Variants in GSE1 observed in about 807,000 individuals in gnomAD.
GSE1 encodes the protein genetic suppressor element 1.
Under a neutral mutation model 112.6 loss-of-function variants are expected in GSE1, and 32 were observed. The observed-to-expected ratio is 0.28, with a 90% CI of 0.21 to 0.38. GSE1 has a LOEUF of 0.38. Ranked by LOEUF, GSE1 falls within the 10% of genes least tolerant of loss-of-function variation. The pLI is 1.00. For missense variants in GSE1, 2,348 were observed against 1,699.2 expected (o/e 1.38, Z -6.71); for synonymous variants, 1,115 against 735.6 (o/e 1.52, Z -8.35).
chr16:85,634,117 G>A lies in GSE1; in HGVS notation c.211G>A (p.Ala71Thr), dbSNP rs780143008. 1.3e-6 allele frequency: 2 copies of A among 1,542,606 alleles called. No individual in the cohort carries two copies. Among genetic ancestry groups the A allele is most frequent in the Non-Finnish European group, 1.7e-6 (2 of 1,150,378 alleles). Residue 71 changes from alanine (A) to threonine (T), a missense_variant, in exon 2 of 16, where the codon GCG becomes ACG. Physicochemically the swap from Ala to Thr is moderately conservative, Grantham distance 58 (BLOSUM62 0). Transcript: ENST00000253458. ...CGCGCTGCGCAAGCTCGCCAAACAGGCGGAGGAGCCCAGAGGTAAGGGGGC... is the reference window on the plus strand; with the variant it reads ...CGCGCTGCGCAAGCTCGCCAAACAGACGGAGGAGCCCAGAGGTAAGGGGGC... ...AAALRKLAKQ[A>T]EEPRGSSLSS...
At position 85,661,467 on chromosome 16, in the gene GSE1, G is replaced by GCCA. The variant is rs1469138900; in HGVS notation, c.1967_1969dup (p.Pro656dup). 11 of 1,611,338 alleles carry GCCA rather than the reference G, an allele frequency of 6.8e-6. No individual in the cohort carries two copies. In the Admixed American group the frequency reaches 1.2e-4, roughly 17 times the overall value. ...TGGACAAGTACCAGCCACCTCCGCC[G>GCCA]CCACCACGAGAGGGAGGGAGCCTGG... On this transcript the variant is annotated inframe_insertion, in exon 9 of 16. Coordinates refer to ENST00000253458, the MANE Select transcript of GSE1 (RefSeq NM_014615.5).
At chr16:85,566,444 A>G (rs1299918103) in intron 1 of GSE1, among the ~76,000 whole-genome samples, 3 of 152,234 alleles carry the variant, frequency 2.0e-5, no homozygotes, top group Non-Finnish European at 4.4e-5. Context: ...ACTGCGTCCC[A>G]TGTAAGGAAA....
At chr16:85,637,619 C>A (rs1337100144) in intron 2 of GSE1, among the ~76,000 whole-genome samples, 1 of 152,270 alleles carries the variant, frequency 6.6e-6, no homozygotes, top group East Asian at 1.9e-4. Context: ...CCCTTCGCCT[C>A]TGGTGGATGA....
chr16:85,432,681 C>T (rs1240102704), intron 2 of GSE1, among the ~76,000 whole-genome samples: 1 of 152,206 alleles, frequency 6.6e-6, no homozygotes, highest in Admixed American at 6.5e-5. Flanking sequence ...AACAGGCATT[C>T]TTGAGGGACC....
chr16:85,642,436 G>A (rs1483657174), intron 2 of GSE1, among the ~76,000 whole-genome samples: 4 of 151,994 alleles, frequency 2.6e-5, no homozygotes, highest in African/African-American at 9.6e-5. Flanking sequence ...GCCGGCACCT[G>A]CCCCTGCATG....
At chr16:85,494,751 G>A (rs1375791959) in intron 2 of GSE1, among the ~76,000 whole-genome samples, 3 of 152,184 alleles carry the variant, frequency 2.0e-5, no homozygotes, top group Admixed American at 6.5e-5. Flanking sequence ...AAATTTGGGG[G>A]GAACTCTATT....
rs201371000 is a variant in GSE1, at chr16:85,663,426, G to A, written c.2456G>A (p.Arg819Gln). ...GTGGCCCAGAAGCGGAGGAAGCGGC[G>A]GAGGATGCTGCGAGAGAGAAGCCCG... ...ELVAQKRRKR[R>Q]RMLRERSPSP... The change falls in exon 11 of 16, where the codon CGG becomes CAG. Residue 819 changes from arginine (R) to glutamine (Q), a missense_variant. Physicochemically the swap from Arg to Gln is conservative, Grantham distance 43 (BLOSUM62 1). Transcript: ENST00000253458. 1.4e-5 allele frequency: 23 copies of A among 1,613,782 alleles called. No individual in the cohort carries two copies. The highest frequency in any genetic ancestry group is 6.7e-5 in the East Asian group (3 of 44,902).
chr16:85,248,641 A>G (rs1906127178), intron 1 of GSE1, among the ~76,000 whole-genome samples: 2 of 152,142 alleles, frequency 1.3e-5, no homozygotes, highest in African/African-American at 2.4e-5. Flanking sequence ...CTCGAAGGAG[A>G]CAGAAGTATC....
In GSE1 at chr16:85,362,562, G is replaced by C. The variant is rs181620125; in HGVS notation, c.2464+4919G>C. Among the ~76,000 whole-genome samples, 149 of 152,308 alleles carry C rather than the reference G, an allele frequency of 9.8e-4. 1 individual carries two copies. Among genetic ancestry groups the C allele is most frequent in the Non-Finnish European group, 1.8e-3 (125 of 68,028 alleles). On this transcript the variant is annotated intron_variant, in intron 2 of 2. Coordinates refer to the GSE1 transcript ENST00000637419. ...GCTGCTCTGACTACTGAATAGGCAT[G>C]GTAAAAATAAAATCCTTCTGGTAGC...
At chr16:85,276,405 C>T (rs944736790) in intron 1 of GSE1, among the ~76,000 whole-genome samples, 4 of 152,220 alleles carry the variant, frequency 2.6e-5, no homozygotes, top group Non-Finnish European at 4.4e-5. Flanking sequence ...TACAGCTTGG[C>T]CAGGTCAGCG....
intron 1 of GSE1, among the ~76,000 whole-genome samples, chr16:85,567,051 C>T (rs1489293542): frequency 2.7e-5 from 4 of 150,684 alleles, no homozygotes; most frequent in African/African-American, 7.3e-5. Context: ...CCCCCACCCC[C>T]ACCCCCACCC....
In GSE1 at chr16:85,500,644, C is replaced by G. The variant is rs533958684; in HGVS notation, c.2465-133270C>G. Among the ~76,000 whole-genome samples, 3 of 152,360 alleles carry G rather than the reference C, an allele frequency of 2.0e-5. No individual in the cohort carries two copies. The East Asian group carries it at 5.8e-4, about 29-fold the overall frequency. On this transcript the variant is annotated intron_variant, in intron 2 of 2. Coordinates refer to the GSE1 transcript ENST00000637419. ...ATCGGCCAGCCGCTCTGCTCTGCCCCTCTTCTCCATGTCACCCTTCCTCCT... is the reference window on the plus strand; with the variant it reads ...ATCGGCCAGCCGCTCTGCTCTGCCCGTCTTCTCCATGTCACCCTTCCTCCT...
intron 3 of GSE1, among the ~76,000 whole-genome samples, chr16:85,649,164 C>T (rs1339861123): frequency 2.0e-5 from 3 of 152,142 alleles, no homozygotes; most frequent in Admixed American, 2.0e-4. Context: ...GGACACCAGT[C>T]AGCTGGTTTA....
intron 1 of GSE1, among the ~76,000 whole-genome samples, chr16:85,216,831 C>G (rs537546896): frequency 2.0e-5 from 3 of 152,366 alleles, no homozygotes; most frequent in Non-Finnish European, 2.9e-5. Context: ...GCTGCTCAAA[C>G]CCACTCCTGT....
rs199662648 is a variant in GSE1, at chr16:85,661,615, G to A, written c.2110G>A (p.Gly704Arg). Residue 704 changes from glycine (G) to arginine (R), a missense_variant, in exon 9 of 16, where the codon GGA becomes AGA. Physicochemically the swap from Gly to Arg is moderately radical, Grantham distance 125. Coordinates refer to ENST00000253458, the MANE Select transcript of GSE1 (RefSeq NM_014615.5). Reference sequence around the variant, plus strand: ...GGCGGCCACCTTCGGGGAGCTCAGCGGACCCCTGAAGCCTGGCTCGCCCTA... The same window carrying A: ...GGCGGCCACCTTCGGGGAGCTCAGCAGACCCCTGAAGCCTGGCTCGCCCTA... The part of the protein sequence containing the change: ...PQAATFGELS[G>R]PLKPGSPYRP... 488 of 1,611,024 alleles carry A rather than the reference G, an allele frequency of 3.0e-4. 2 individuals are homozygous for A. The African/African-American group carries it at 5.3e-3, about 18-fold the overall frequency.
At chr16:85,389,258 G>A (rs1466351913) in intron 2 of GSE1, among the ~76,000 whole-genome samples, 3 of 152,080 alleles carry the variant, frequency 2.0e-5, no homozygotes, top group African/African-American at 4.8e-5. Flanking sequence ...TCAGGAGATC[G>A]AGACCATCCT....
intron 1 of GSE1, among the ~76,000 whole-genome samples, chr16:85,224,197 C>A (rs1389363985): frequency 6.7e-6 from 1 of 148,632 alleles, no homozygotes; most frequent in Non-Finnish European, 1.5e-5. Context: ...AGCACAGGAC[C>A]TCTGTAGAAA....
chr16:85,498,668 G>A (rs1431890819), intron 2 of GSE1, among the ~76,000 whole-genome samples: 1 of 152,356 alleles, frequency 6.6e-6, no homozygotes, highest in East Asian at 1.9e-4. Context: ...ACACTCACAC[G>A]TGTATGCACA....
rs1170303638 is a variant in GSE1, at chr16:85,369,877, C to T, written c.2464+12234C>T. Among the ~76,000 whole-genome samples the T allele has an allele frequency of 3.3e-5, 5 of 152,236 alleles. No homozygotes were observed. The South Asian group carries it at 6.2e-4, about 19-fold the overall frequency. ...TTTGCTGGGACTGGTCCCTCAGCCT[C>T]ACGGTCATTCTGCAGGGGCAAACTG... On this transcript the variant is annotated intron_variant, in intron 2 of 2. Coordinates refer to the GSE1 transcript ENST00000637419.
Sources: gnomAD v4.1 joint callset for allele counts (sites outside exome capture counted in the v4.1 genomes callset) on GRCh38, gnomAD v4.1.1 for gene constraint, MANE v1.5 for transcripts, NCBI Gene and HGNC (gene_info 2026-07-23, HGNC 2026-07-21) for gene names.